The following EFCAB6 variants were observed in gnomAD, a reference collection of about 807,000 sequenced individuals.
The protein encoded by EFCAB6 is EF-hand calcium-binding domain-containing protein 6.
A neutral mutation model predicts 169.8 loss-of-function variants in EFCAB6; 156 were observed. That is an observed-to-expected ratio of 0.92 (90% confidence interval 0.81 to 1.05). The LOEUF (loss-of-function observed/expected upper bound fraction) is 1.05. Ranked by LOEUF, EFCAB6 falls within the 50% of genes least tolerant of loss-of-function variation. The pLI is 0.00. For missense variants in EFCAB6, 1,800 were observed against 1,829.1 expected, an observed-to-expected ratio of 0.98 and a Z score of 0.29; for synonymous variants, 698 against 676.4, an observed-to-expected ratio of 1.03 and a Z score of -0.50.
chr22:43,676,418 C>CAAAAAA (rs34550416), intron 13 of EFCAB6, among the ~76,000 whole-genome samples: 1 of 60,460 alleles, frequency 1.7e-5, no homozygotes. Flanking sequence ...GACTCCGTCT[C>CAAAAAA]AAAAAAAAAA....
intron 22 of EFCAB6, among the ~76,000 whole-genome samples, chr22:43,607,750 G>A (rs1014535985): frequency 3.3e-5 from 5 of 152,156 alleles, no homozygotes; most frequent in African/African-American, 1.2e-4. Flanking sequence ...GTGGACGTAC[G>A]ATGTTGGTAT....
chr22:43,589,799 A>C (rs778123824), intron 24 of EFCAB6, among the ~76,000 whole-genome samples: 5 of 152,158 alleles, frequency 3.3e-5, no homozygotes, highest in Non-Finnish European at 7.3e-5. Flanking sequence ...AAAAAACAAA[A>C]CAACCAAGTA....
intron 8 of EFCAB6, among the ~76,000 whole-genome samples, chr22:43,720,722 A>C (rs2059493541): frequency 6.6e-6 from 1 of 152,002 alleles, no homozygotes; most frequent in African/African-American, 2.4e-5. Flanking sequence ...GGTGTAGAAG[A>C]GAAGAGAGGG....
intron 10 of EFCAB6, among the ~76,000 whole-genome samples, chr22:43,689,349 GCACACACACA>G (rs3221390): frequency 6.8e-6 from 1 of 146,962 alleles, no homozygotes; most frequent in East Asian, 2.0e-4. Flanking sequence ...GAGAGCACGT[GCACACACACA>G]CACACACACA....
chr22:43,688,571 C>G (rs922289382), intron 10 of EFCAB6, among the ~76,000 whole-genome samples: 15 of 152,350 alleles, frequency 9.8e-5, no homozygotes, highest in African/African-American at 3.6e-4. Context: ...GCACTTCCTA[C>G]TGATGTGACC....
chr22:43,800,436 A>G (rs2062667777), intron 2 of EFCAB6, among the ~76,000 whole-genome samples: 1 of 152,228 alleles, frequency 6.6e-6, no homozygotes, highest in African/African-American at 2.4e-5. Flanking sequence ...CACAAAAAAG[A>G]CAGCAGCAAA....
intron 7 of EFCAB6, among the ~76,000 whole-genome samples, chr22:43,732,499 G>T (rs997657469): frequency 8.1e-6 from 1 of 123,056 alleles, no homozygotes; most frequent in Non-Finnish European, 1.6e-5. Context: ...GCAGAATCTC[G>T]CTCTGTTGCC....
At chr22:43,588,895 C>G (rs139737123) in intron 24 of EFCAB6, among the ~76,000 whole-genome samples, 1 of 151,994 alleles carries the variant, frequency 6.6e-6, no homozygotes, top group Non-Finnish European at 1.5e-5. Context: ...AAATGTAGAT[C>G]TAGAATGTGG....
chr22:43,690,152 A>G lies in EFCAB6; in HGVS notation c.1032-2571T>C, dbSNP rs563823224. On this transcript the variant is annotated intron_variant, in intron 10 of 31. Coordinates refer to ENST00000262726, the MANE Select transcript of EFCAB6 (RefSeq NM_022785.4). ...TCTCCTGATGGGTCTTCTTGTACCT[A>G]CTCTTGCCTTCCTCCAATGTATTTC... Among the ~76,000 whole-genome samples the G allele has an allele frequency of 3.3e-5, 5 of 152,020 alleles. No individual in the cohort carries two copies. In the East Asian group the frequency reaches 9.7e-4, roughly 29 times the overall value.
chr22:43,768,962 A>C (rs1360375541), intron 4 of EFCAB6, among the ~76,000 whole-genome samples: 3 of 152,242 alleles, frequency 2.0e-5, no homozygotes, highest in Non-Finnish European at 4.4e-5. Context: ...GCAAAAGAAC[A>C]CTACCATATG....
intron 7 of EFCAB6, among the ~76,000 whole-genome samples, chr22:43,733,399 C>T (rs2060021743): frequency 6.6e-6 from 1 of 152,200 alleles, no homozygotes; most frequent in Non-Finnish European, 1.5e-5. Flanking sequence ...ATCAAACACA[C>T]TGGCCTCCAG....
intron 26 of EFCAB6, among the ~76,000 whole-genome samples, chr22:43,574,381 G>A (rs976613767): frequency 4.6e-5 from 7 of 151,946 alleles, no homozygotes; most frequent in African/African-American, 1.7e-4. Flanking sequence ...CGAACCCTCC[G>A]GCTTGCCACT....
chr22:43,703,429 A>G (rs2147293259), intron 10 of EFCAB6, among the ~76,000 whole-genome samples: 1 of 152,326 alleles, frequency 6.6e-6, no homozygotes, highest in East Asian at 1.9e-4. Context: ...GGATACCAAC[A>G]CGATGACAGA....
chr22:43,582,747 GA>G (rs2050811724), intron 24 of EFCAB6, among the ~76,000 whole-genome samples: 2 of 152,102 alleles, frequency 1.3e-5, no homozygotes, highest in Middle Eastern at 3.4e-3. Context: ...GATGCCAGGG[GA>G]AAAAAACTCA....
chr22:43,560,838 C>T (rs1264124751), intron 26 of EFCAB6, among the ~76,000 whole-genome samples: 1 of 152,204 alleles, frequency 6.6e-6, no homozygotes, highest in African/African-American at 2.4e-5. Flanking sequence ...GTGCAGAGAG[C>T]TGCAGCCACG....
intron 26 of EFCAB6, among the ~76,000 whole-genome samples, chr22:43,558,808 G>A (rs1435010168): frequency 6.6e-6 from 1 of 152,170 alleles, no homozygotes; most frequent in Non-Finnish European, 1.5e-5. Flanking sequence ...ATAGACTACA[G>A]TATAGTGTAA....
intron 17 of EFCAB6, among the ~76,000 whole-genome samples, chr22:43,641,958 G>T (rs1431249723): frequency 4.6e-5 from 7 of 151,744 alleles, no homozygotes; most frequent in Admixed American, 1.3e-4. Context: ...CTTTTTTTTT[G>T]AGATGGAGTT....
At chr22:43,773,193 CTT>C in intron 3 of EFCAB6, 90 bp from the exon 4 acceptor site, 1 of 1,285,028 alleles carries the variant, frequency 7.8e-7, no homozygotes, top group Non-Finnish European at 1.1e-6. Context: ...ACCAAGAAAA[CTT>C]ATTAGATGGT....
Position 43,765,374 on chromosome 22 carries a change from C to T in EFCAB6, c.371G>A (p.Gly124Asp), listed in dbSNP as rs373671423. 1 of 1,612,112 alleles carries T rather than the reference C, an allele frequency of 6.2e-7. No individual in the cohort carries two copies. The highest frequency in any genetic ancestry group is 8.5e-7 in the Non-Finnish European group (1 of 1,178,782). Reference protein sequence around the residue: ...VLAQIPLSTSGTVPYLAFLSR... With the variant: ...VLAQIPLSTSDTVPYLAFLSR... ...CAGAAAGGCAAGGTACGGTACAGTA[C>T]CAGAGGTGCTAAGGGGGATCTACAG... The change falls in exon 5 of 32, where the codon GGT becomes GAT. Residue 124 changes from glycine to aspartate, a missense_variant. Coordinates refer to ENST00000262726, the MANE Select transcript of EFCAB6 (RefSeq NM_022785.4).
Sources: gnomAD v4.1 joint callset for allele counts (sites outside exome capture counted in the v4.1 genomes callset) on GRCh38, gnomAD v4.1.1 for gene constraint, MANE v1.5 for transcripts, NCBI Gene and HGNC (gene_info 2026-07-23, HGNC 2026-07-21) for gene names.